Variants in BRD4 observed in about 807,000 individuals in gnomAD.
BRD4 encodes the protein bromodomain-containing protein 4.
Under a neutral mutation model 142.1 loss-of-function variants are expected in BRD4, and 16 were observed. The observed-to-expected ratio is 0.11, with a 90% CI of 0.08 to 0.17. The LOEUF is 0.17. Among genes scored for constraint, BRD4 ranks in the 10% least tolerant of loss-of-function variants. The probability of loss-of-function intolerance (pLI) is 1.00; values close to 1 mark genes in which losing one functional copy is unlikely to be tolerated. For synonymous variants in BRD4, 833 were observed against 707.5 expected (o/e 1.18, Z -2.82); for missense variants, 1,424 against 1,810.9 (o/e 0.79, Z 3.88).
intron 10 of BRD4, 35 bp from the exon 11 acceptor site, chr19:15,254,297 G>T: frequency 6.3e-7 from 1 of 1,584,460 alleles, no homozygotes; most frequent in Non-Finnish European, 8.7e-7. Context: ...GTCAGGCAGG[G>T]CTGTGGCCCA....
At chr19:15,303,768 G>A (rs2047891208) in intron 1 of BRD4, among the ~76,000 whole-genome samples, 1 of 152,138 alleles carries the variant, frequency 6.6e-6, no homozygotes, top group South Asian at 2.1e-4. Context: ...ACTGTAATGC[G>A]ATAACCAGAG....
chr19:15,273,195 G>A, intron 1 of BRD4, 62 bp from the exon 2 acceptor site: 4 of 1,461,930 alleles, frequency 2.7e-6, no homozygotes, highest in Non-Finnish European at 3.6e-6. Context: ...CGCTCAGAAT[G>A]ACAAGTCCCT....
At chr19:15,306,781 T>C (rs745524148) in intron 1 of BRD4, among the ~76,000 whole-genome samples, 1 of 152,114 alleles carries the variant, frequency 6.6e-6, no homozygotes, top group African/African-American at 2.4e-5. Context: ...TTCACCTTCT[T>C]AGATGGACAT....
chr19:15,324,403 C>T (rs1440372591), intron 1 of BRD4, among the ~76,000 whole-genome samples: 4 of 152,216 alleles, frequency 2.6e-5, no homozygotes, highest in Admixed American at 6.5e-5. Flanking sequence ...ATCCCAATGA[C>T]GCCTAGTAAG....
chr19:15,278,039 G>A (rs545990637), intron 1 of BRD4, among the ~76,000 whole-genome samples: 49 of 146,258 alleles, frequency 3.4e-4, no homozygotes, highest in African/African-American at 1.2e-3. Context: ...CTGGGAGGTG[G>A]AGCCTGCAGT....
At chr19:15,305,402 T>C (rs2047905384) in intron 1 of BRD4, among the ~76,000 whole-genome samples, 1 of 152,240 alleles carries the variant, frequency 6.6e-6, no homozygotes, top group Non-Finnish European at 1.5e-5. Context: ...GGCTGCTGTA[T>C]GGATGTTTTA....
At position 15,256,830 on chromosome 19, in the gene BRD4, A is replaced by C. The variant is rs946997816; in HGVS notation, c.1551+134T>G. ...TGCATTTGACCTAGCAAAGGGGAAA[A>C]GGCCACAGGTGGTCCAGTGGGAATT... On this transcript the variant is annotated intron_variant, in intron 8 of 19. Coordinates refer to ENST00000679869, the MANE Select transcript of BRD4 (RefSeq NM_001379291.1). 3 of 740,364 alleles carry C rather than the reference A, an allele frequency of 4.1e-6. No individual in the cohort carries two copies. In the African/African-American group the frequency reaches 5.3e-5, roughly 13 times the overall value. The allele number at this position is 740,364 out of a possible 1,614,324, so 45.9% of individuals were successfully genotyped here. A position where few individuals can be genotyped will look rare whatever the true frequency, so the allele number is the denominator to read the frequency against.
At chr19:15,268,023 C>T (rs1321480804) in intron 3 of BRD4, 1 of 155,630 alleles carries the variant, frequency 6.4e-6, no homozygotes, top group Non-Finnish European at 1.4e-5. Flanking sequence ...AGGGGTCCCA[C>T]TCTGTCACCT....
intron 11 of BRD4, chr19:15,249,172 C>T: frequency 2.5e-6 from 4 of 1,576,134 alleles, no homozygotes; most frequent in Non-Finnish European, 1.7e-6. Flanking sequence ...AATTCCATAA[C>T]TTGATGGAGT....
chr19:15,280,959 A>G (rs1202756243), intron 1 of BRD4, among the ~76,000 whole-genome samples: 3 of 152,242 alleles, frequency 2.0e-5, no homozygotes, highest in African/African-American at 4.8e-5. Flanking sequence ...CACAACATCA[A>G]TATCAGAAGG....
chr19:15,242,425 G>A (rs1181493630), intron 14 of BRD4, among the ~76,000 whole-genome samples: 1 of 152,198 alleles, frequency 6.6e-6, no homozygotes, highest in African/African-American at 2.4e-5. Flanking sequence ...AGGCGATGAG[G>A]ACAGGTCCTG....
chr19:15,253,900 T>C, intron 11 of BRD4: 1 of 911,706 alleles, frequency 1.1e-6, no homozygotes, highest in East Asian at 2.6e-5. Context: ...CCCTTGGCCA[T>C]TCATCCTCCA....
At position 15,237,630 on chromosome 19, in the gene BRD4, AG is replaced by A. The variant is rs957105175; in HGVS notation, c.*746del. The A allele has an allele frequency of 1.1e-4, 25 of 228,930 alleles. No individual in the cohort carries two copies. Among genetic ancestry groups the A allele is most frequent in the South Asian group, 1.8e-4 (1 of 5,462 alleles). 14.2% of individuals were successfully genotyped at this position (228,930 alleles called of 1,614,324 possible). On this transcript the variant is annotated 3_prime_UTR_variant, in exon 20 of 20. Coordinates refer to ENST00000679869, the MANE Select transcript of BRD4 (RefSeq NM_001379291.1). Reference sequence around the variant, plus strand: ...AACAAAAAATATATATAGAAAAAAAAGAAAAAAAAAAACGAAACAGAAACAC... The same window carrying A: ...AACAAAAAATATATATAGAAAAAAAAAAAAAAAAAAACGAAACAGAAACAC...
chr19:15,247,549 T>G (rs960631673), intron 11 of BRD4: 1 of 233,024 alleles, frequency 4.3e-6, no homozygotes, highest in African/African-American at 2.2e-5. Context: ...CTATGGCCCA[T>G]GTGCACACGT....
Position 15,237,245 on chromosome 19 carries a change from T to TG in BRD4, c.*1131dup, listed in dbSNP as rs796315339. ...AAAAACAAAAAAGCCAACAAATGGG[T>TG]GGGGGGGGGGGGGGTGGAGGGGAAA... is the stretch of plus-strand genomic sequence containing the variant. On this transcript the variant is annotated 3_prime_UTR_variant, in exon 20 of 20. Transcript: ENST00000679869. 0.19 allele frequency: 4,445 copies of TG among 23,750 alleles called. 432 individuals are homozygous for TG. Among genetic ancestry groups the TG allele is most frequent in the Middle Eastern group, 0.21 (15 of 72 alleles). 1.5% of individuals were successfully genotyped at this position (23,750 alleles called of 1,614,324 possible).
Position 15,255,282 on chromosome 19 carries a change from G to A in BRD4, c.2047+15C>T. Reference sequence around the variant, plus strand: ...CCCACAGAAGGAACCCCATGCCCAGGGGGCCCAAGCACACCTTGAGGTTTC... The same window carrying A: ...CCCACAGAAGGAACCCCATGCCCAGAGGGCCCAAGCACACCTTGAGGTTTC... On this transcript the variant is annotated intron_variant, in intron 10 of 19. Transcript: ENST00000679869. 6.2e-7 allele frequency: 1 copy of A among 1,602,110 alleles called. No homozygotes were observed. Among genetic ancestry groups the A allele is most frequent in the South Asian group, 1.1e-5 (1 of 90,508 alleles).
intron 1 of BRD4, among the ~76,000 whole-genome samples, chr19:15,304,394 C>T (rs994867372): frequency 2.0e-5 from 3 of 152,146 alleles, no homozygotes; most frequent in Admixed American, 1.3e-4. Flanking sequence ...GTCACTGTGC[C>T]GGGGGAGTAG....
In BRD4 at chr19:15,325,906, G is replaced by A. The variant is rs1002505138; in HGVS notation, c.-35+6384C>T. 4.1e-5 allele frequency among the ~76,000 whole-genome samples: 6 copies of A among 147,516 alleles called. No homozygotes were observed. In the Admixed American group the frequency reaches 4.1e-4, roughly 10 times the overall value. ...CTAGCTACTAAGGAGGCTGAGGCAG[G>A]AGAATCACTTGAACCCGGGAGGCAG... On this transcript the variant is annotated intron_variant, in intron 1 of 19. Coordinates refer to ENST00000679869, the MANE Select transcript of BRD4 (RefSeq NM_001379291.1).
At chr19:15,282,613 A>G (rs2047713660) in intron 1 of BRD4, among the ~76,000 whole-genome samples, 1 of 152,246 alleles carries the variant, frequency 6.6e-6, no homozygotes, top group South Asian at 2.1e-4. Flanking sequence ...AGATTATGAT[A>G]GAAATGTCAT....
Sources: allele counts gnomAD v4.1 joint callset (sites outside exome capture counted in the v4.1 genomes callset), GRCh38; gene constraint gnomAD v4.1.1; transcripts MANE v1.5; gene names NCBI Gene and HGNC (gene_info 2026-07-23, HGNC 2026-07-21).